ANGPT2: variants seen among roughly 807,000 people sequenced by gnomAD.
ANGPT2 encodes angiopoietin 2, also known as angiopoietin-2.
Under a neutral mutation model 62.9 loss-of-function variants are expected in ANGPT2, and 28 were observed. The ratio of observed to expected loss-of-function variants is 0.44; its 90% CI spans 0.33 to 0.61. The LOEUF (loss-of-function observed/expected upper bound fraction) is 0.61. Ranked by LOEUF, ANGPT2 falls within the 20% of genes least tolerant of loss-of-function variation. The pLI is 0.03. For synonymous variants in ANGPT2, 284 were observed against 207.8 expected, an observed-to-expected ratio of 1.37 and a Z score of -3.15; for missense variants, 727 against 594.9, an observed-to-expected ratio of 1.22 and a Z score of -2.31.
chr8:6,556,844 C>A (rs570459113), intron 1 of ANGPT2, among the ~76,000 whole-genome samples: 2 of 152,120 alleles, frequency 1.3e-5, no homozygotes, highest in East Asian at 1.9e-4. Flanking sequence ...CCATCTTGGC[C>A]TCTCAAAGCT....
intron 1 of ANGPT2, among the ~76,000 whole-genome samples, chr8:6,533,904 G>C (rs946412904): frequency 6.6e-6 from 1 of 152,112 alleles, no homozygotes; most frequent in Non-Finnish European, 1.5e-5. Flanking sequence ...TTCTCTCTTA[G>C]AGCTTCTTTG....
At chr8:6,549,240 C>T (rs796636577) in intron 1 of ANGPT2, among the ~76,000 whole-genome samples, 1 of 152,148 alleles carries the variant, frequency 6.6e-6, no homozygotes, top group Non-Finnish European at 1.5e-5. Context: ...ACCATGGGTA[C>T]GTAAATTGTG....
intron 3 of ANGPT2, 58 bp downstream of exon 3, chr8:6,527,497 C>T: frequency 7.0e-6 from 11 of 1,580,232 alleles, no homozygotes; most frequent in Non-Finnish European, 8.6e-6. Flanking sequence ...TTGAGACCGA[C>T]TTTCATATCT....
At chr8:6,529,349 T>G (rs930602735) in intron 2 of ANGPT2, among the ~76,000 whole-genome samples, 1 of 152,230 alleles carries the variant, frequency 6.6e-6, no homozygotes, top group Non-Finnish European at 1.5e-5. Context: ...AGATTTGAAT[T>G]TAAGTCTGTT....
rs1314963219 is a variant in ANGPT2, at chr8:6,513,840, A to C, written c.1034T>G (p.Phe345Cys). ...CCAATATTCTCCTGAAGGGTTACCA[A>C]ATCCCTGTAATGCAAGTTGTTAAAT... Reference protein sequence around the residue: ...QRTWKEYKVGFGNPSGEYWLG... With the variant: ...QRTWKEYKVGCGNPSGEYWLG... Residue 345 changes from phenylalanine (F) to cysteine (C), a missense_variant, in exon 7 of 9, where the codon TTT (phenylalanine) becomes TGT (cysteine). Physicochemically the swap from Phe to Cys is radical, Grantham distance 205. Transcript: ENST00000629816. 6.2e-7 allele frequency: 1 copy of C among 1,603,480 alleles called. No homozygotes were observed. Among genetic ancestry groups the C allele is most frequent in the South Asian group, 1.1e-5 (1 of 88,112 alleles).
intron 1 of ANGPT2, among the ~76,000 whole-genome samples, chr8:6,542,810 T>C (rs1821855676): frequency 6.6e-6 from 1 of 152,158 alleles, no homozygotes; most frequent in Non-Finnish European, 1.5e-5. Context: ...TTTTTCTTTT[T>C]CCAATAAACT....
At chr8:6,527,513 G>T (rs1818556183) in intron 3 of ANGPT2, 42 bp downstream of exon 3, 10 of 1,592,240 alleles carry the variant, frequency 6.3e-6, no homozygotes, top group Non-Finnish European at 8.6e-6. Flanking sequence ...TATCTGGAAA[G>T]TGTGCAGTCC....
chr8:6,511,334 A>G (rs1483906761), intron 7 of ANGPT2, among the ~76,000 whole-genome samples: 5 of 151,900 alleles, frequency 3.3e-5, no homozygotes, highest in South Asian at 4.1e-4. Flanking sequence ...ATGATTTTAT[A>G]TAACAGTGGA....
rs1290408109 is a variant in ANGPT2 at position 6,505,291 on chromosome 8, A to AT, written c.1328-2031dup. 9.8e-3 allele frequency among the ~76,000 whole-genome samples: 301 copies of AT among 30,730 alleles called. 36 individuals carry two copies. In the South Asian group the frequency reaches 0.18, roughly 18 times the overall value. The allele number at this position is 30,730 out of a possible 152,430, so 20.2% of individuals were successfully genotyped here. The stretch of plus-strand genomic sequence containing the variant: ...ATATATGTATACATATATATGTTAT[A>AT]TACATATATATGTATATAACATATA... On this transcript the variant is annotated intron_variant, in intron 8 of 8. Coordinates refer to ENST00000629816, the MANE Select transcript of ANGPT2 (RefSeq NM_001118887.2).
At chr8:6,515,720 G>T (rs935200704) in intron 5 of ANGPT2, among the ~76,000 whole-genome samples, 1 of 152,178 alleles carries the variant, frequency 6.6e-6, no homozygotes, top group Non-Finnish European at 1.5e-5. Flanking sequence ...CACATACAAG[G>T]TAGGAAATAT....
chr8:6,513,185 T>C (rs1002299040), intron 7 of ANGPT2, among the ~76,000 whole-genome samples: 14 of 152,248 alleles, frequency 9.2e-5, no homozygotes, highest in African/African-American at 3.1e-4. Flanking sequence ...GTATGAAGTT[T>C]CTTTTATATT....
At chr8:6,534,309 C>A (rs1820109762) in intron 1 of ANGPT2, among the ~76,000 whole-genome samples, 1 of 152,102 alleles carries the variant, frequency 6.6e-6, no homozygotes, top group Non-Finnish European at 1.5e-5. Context: ...TTCTAAGCAA[C>A]CTCGAGATGA....
intron 3 of ANGPT2, 110 bp from the exon 4 acceptor site, chr8:6,521,520 T>C: frequency 1.2e-6 from 1 of 800,622 alleles, no homozygotes; most frequent in South Asian, 2.0e-5. Context: ...GTAGTGGTTA[T>C]AAAGTAATAT....
chr8:6,555,619 G>T (rs1303988373), intron 1 of ANGPT2, among the ~76,000 whole-genome samples: 2 of 151,824 alleles, frequency 1.3e-5, no homozygotes, highest in South Asian at 4.2e-4. Flanking sequence ...GTACCACCAC[G>T]CCTGGGTGAT....
intron 7 of ANGPT2, among the ~76,000 whole-genome samples, chr8:6,512,083 G>A (rs772632760): frequency 4.0e-5 from 6 of 151,872 alleles, no homozygotes; most frequent in East Asian, 1.9e-4. Context: ...CATTCATCTC[G>A]GTTGTTGCCT....
intron 2 of ANGPT2, among the ~76,000 whole-genome samples, chr8:6,531,940 C>A (rs537518303): frequency 3.7e-4 from 56 of 152,280 alleles, no homozygotes; most frequent in African/African-American, 1.3e-3. Flanking sequence ...GCCAGAGTTT[C>A]TAGCTCTTTG....
chr8:6,529,521 T>C (rs13268979), intron 2 of ANGPT2, among the ~76,000 whole-genome samples: 35,456 of 150,556 alleles, frequency 0.24, 5,169 homozygotes, highest in Middle Eastern at 0.39. Context: ...GCACCATATC[T>C]GTTCACTACA....
intron 1 of ANGPT2, 95 bp downstream of exon 1, chr8:6,562,552 C>CTTTTTTCTTTTTTTTTTTTTTT (rs1825703377): frequency 1.4e-5 from 1 of 71,748 alleles, no homozygotes; most frequent in Non-Finnish European, 2.6e-5. Flanking sequence ...CATCCTCCTT[C>CTTTTTTCTTTTTTTTTTTTTTT]TTTTTTTTTT....
chr8:6,514,616 A>T, intron 6 of ANGPT2, 61 bp downstream of exon 6: 1 of 1,461,066 alleles, frequency 6.8e-7, no homozygotes, highest in South Asian at 1.1e-5. Flanking sequence ...GGTTCCGCAG[A>T]TCTTGAAAGC....
Sources: allele counts gnomAD v4.1 joint callset (sites outside exome capture counted in the v4.1 genomes callset), GRCh38; gene constraint gnomAD v4.1.1; transcripts MANE v1.5; gene names NCBI Gene and HGNC (gene_info 2026-07-23, HGNC 2026-07-21).